The following HDAC3 variants were observed in gnomAD, a reference collection of about 807,000 sequenced individuals.
The protein encoded by HDAC3 is SMAP45.
HDAC3 carries 21 observed loss-of-function variants against 62.3 expected under a neutral mutation model. The observed-to-expected ratio is 0.34, with a 90% CI of 0.24 to 0.49. HDAC3 has a LOEUF of 0.49. Ranked by LOEUF, HDAC3 falls within the 20% of genes least tolerant of loss-of-function variation. HDAC3 has a pLI of 0.99. For missense variants in HDAC3, 270 were observed against 556.9 expected (o/e 0.48, Z 5.19); for synonymous variants, 198 against 206.5 (o/e 0.96, Z 0.35).
rs960090236 is a variant in HDAC3 at position 141,625,497 on chromosome 5, G to GAT, written c.1060-134_1060-133dup. The GAT allele has an allele frequency of 1.3e-4, 152 of 1,156,588 alleles. 1 individual carries two copies. In the African/African-American group the frequency reaches 1.5e-3, roughly 11 times the overall value. The allele number at this position is 1,156,588 out of a possible 1,614,324, so 71.6% of individuals were successfully genotyped here. ...TACCTCTAGTTCAGGTCCCCCAACT[G>GAT]ATAGCTCTCCCTCCCCACCAACCCC... On this transcript the variant is annotated intron_variant, in intron 13 of 14. Coordinates refer to ENST00000305264, the MANE Select transcript of HDAC3 (RefSeq NM_003883.4). This position sits in a 1 kb window ranked among gnomAD's most constrained non-coding sequence, Gnocchi z 4.0.
chr5:141,630,650 T>C (rs913585343), intron 3 of HDAC3, among the ~76,000 whole-genome samples: 6 of 152,194 alleles, frequency 3.9e-5, no homozygotes, highest in African/African-American at 9.7e-5. Flanking sequence ...TGTTATTCTT[T>C]ATAAAAAGTA....
At chr5:141,624,070 A>G (rs1452433060) in intron 14 of HDAC3, among the ~76,000 whole-genome samples, 1 of 150,664 alleles carries the variant, frequency 6.6e-6, no homozygotes, top group Admixed American at 6.6e-5. Flanking sequence ...AAACATAACC[A>G]CAATGCAATT....
intron 14 of HDAC3, among the ~76,000 whole-genome samples, chr5:141,622,441 T>C (rs2099903833): frequency 1.3e-5 from 2 of 152,114 alleles, no homozygotes; most frequent in South Asian, 4.1e-4. Context: ...CCGTCTCTAC[T>C]AAAAATACTA....
intron 14 of HDAC3, among the ~76,000 whole-genome samples, chr5:141,624,254 G>T (rs1238477754): frequency 6.6e-6 from 1 of 150,664 alleles, no homozygotes; most frequent in African/African-American, 2.4e-5. Flanking sequence ...AAAAATTTTA[G>T]GCCAGGCTCA....
At chr5:141,622,571 C>T (rs2099903858) in intron 14 of HDAC3, among the ~76,000 whole-genome samples, 1 of 151,348 alleles carries the variant, frequency 6.6e-6, no homozygotes, top group Non-Finnish European at 1.5e-5. Context: ...CCACTGCACT[C>T]CAGCCTGGCA....
rs1177904191 is a variant in HDAC3 at position 141,628,490 on chromosome 5, G to A, written c.691+69C>T. ...ACTGGCCCAACAGCAGACAATACCA[G>A]GCAGAAGAGGTTATTTCAAGGAGAA... On this transcript the variant is annotated intron_variant, in intron 8 of 14. Transcript: ENST00000305264. The surrounding 1 kb of genome is among the most constrained non-coding windows in gnomAD (Gnocchi z 4.7). 2.4e-6 allele frequency: 3 copies of A among 1,271,920 alleles called. No homozygotes were observed. The highest frequency in any genetic ancestry group is 3.5e-6 in the Non-Finnish European group (3 of 869,212). The allele number at this position is 1,271,920 out of a possible 1,614,324, so 78.8% of individuals were successfully genotyped here.
chr5:141,623,175 C>T (rs2099903947), intron 14 of HDAC3, among the ~76,000 whole-genome samples: 1 of 152,148 alleles, frequency 6.6e-6, no homozygotes, highest in South Asian at 2.1e-4. Context: ...TTAGATTCCT[C>T]CCGTGTTAAT....
chr5:141,633,887 G>A (rs1049541725), intron 3 of HDAC3, among the ~76,000 whole-genome samples: 8 of 151,548 alleles, frequency 5.3e-5, no homozygotes, highest in African/African-American at 1.7e-4. Flanking sequence ...GCTAGGTGAT[G>A]GACGTATGGG....
Position 141,628,047 on chromosome 5 carries a change from C to T in HDAC3, c.765+67G>A, listed in dbSNP as rs891755572. ...CTTCCACCACCAACCTAAAGAACCT[C>T]CTCTTCCCTTGCTCTCTTTCCCCAA... On this transcript the variant is annotated intron_variant, in intron 9 of 14. Coordinates refer to ENST00000305264, the MANE Select transcript of HDAC3 (RefSeq NM_003883.4). This position sits in a 1 kb window ranked among gnomAD's most constrained non-coding sequence, Gnocchi z 4.7. The T allele has an allele frequency of 6.3e-7, 1 of 1,599,062 alleles. No individual in the cohort carries two copies. Among genetic ancestry groups the T allele is most frequent in the African/African-American group, 1.3e-5 (1 of 74,642 alleles).
Position 141,625,876 on chromosome 5 carries a change from T to C in HDAC3, c.980-112A>G, listed in dbSNP as rs2099904367. The C allele has an allele frequency of 1.5e-6, 2 of 1,301,092 alleles. No homozygotes were observed. The highest frequency in any genetic ancestry group is 2.2e-6 in the Non-Finnish European group (2 of 896,284). 80.6% of individuals were successfully genotyped at this position (1,301,092 alleles called of 1,614,324 possible). On this transcript the variant is annotated intron_variant, in intron 12 of 14. Coordinates refer to ENST00000305264, the MANE Select transcript of HDAC3 (RefSeq NM_003883.4). This position sits in a 1 kb window ranked among gnomAD's most constrained non-coding sequence, Gnocchi z 4.0. ...CCTACATAATAGCTGCCCAATCTCT[T>C]CCCTGCTCTGAGCCCAGGGGTTTAG...
intron 3 of HDAC3, among the ~76,000 whole-genome samples, chr5:141,630,950 T>C (rs1171721105): frequency 6.6e-6 from 1 of 151,432 alleles, no homozygotes; most frequent in Non-Finnish European, 1.5e-5. Flanking sequence ...GCCTCCCAAA[T>C]TGTTGGGACT....
chr5:141,634,372 T>C lies in HDAC3; in HGVS notation c.281+439A>G, dbSNP rs181455648. Among the ~76,000 whole-genome samples, 12 of 152,296 alleles carry C rather than the reference T, an allele frequency of 7.9e-5. No individual in the cohort carries two copies. In the East Asian group the frequency reaches 2.1e-3, roughly 27 times the overall value. On this transcript the variant is annotated intron_variant, in intron 3 of 14. Transcript: ENST00000305264. ...TCATACTCAGTCCTACCACAGACCC[T>C]TAGCACTTGTCCCTACTGCCTGCTA...
chr5:141,628,974 T>C lies in HDAC3; in HGVS notation c.610+199A>G, dbSNP rs1445870144. Among the ~76,000 whole-genome samples, 1 of 151,826 alleles carries C rather than the reference T, an allele frequency of 6.6e-6. No individual in the cohort carries two copies. The highest frequency in any genetic ancestry group is 1.5e-5 in the Non-Finnish European group (1 of 67,936). ...AACAAAAAACCACAATAAACACAAA[T>C]AGCAGTGAGTGTTCTGAGGGAAACA... On this transcript the variant is annotated intron_variant, in intron 7 of 14. Coordinates refer to ENST00000305264, the MANE Select transcript of HDAC3 (RefSeq NM_003883.4). The surrounding 1 kb of genome is among the most constrained non-coding windows in gnomAD (Gnocchi z 4.7).
Position 141,629,464 on chromosome 5 carries a change from A to G in HDAC3, c.477-158T>C. ...TAAAGGCAACTGGGGGCTCCAGCCT[A>G]GAGGCTAGAGGCAGGGACAGGAGAG... On this transcript the variant is annotated intron_variant, in intron 6 of 14. Transcript: ENST00000305264. This position sits in a 1 kb window ranked among gnomAD's most constrained non-coding sequence, Gnocchi z 5.3. 1 of 1,025,114 alleles carries G rather than the reference A, an allele frequency of 9.8e-7. No homozygotes were observed. Among genetic ancestry groups the G allele is most frequent in the Non-Finnish European group, 1.4e-6 (1 of 692,996 alleles). The allele number at this position is 1,025,114 out of a possible 1,614,324, so 63.5% of individuals were successfully genotyped here. A position where few individuals can be genotyped will look rare whatever the true frequency, so the allele number is the denominator to read the frequency against.
intron 14 of HDAC3, chr5:141,624,869 A>G (rs1381991313): frequency 4.4e-5 from 9 of 205,580 alleles, no homozygotes; most frequent in Non-Finnish European, 7.7e-5. Flanking sequence ...AAATGAGTGT[A>G]TATGTGTTTG....
In HDAC3 at chr5:141,628,258, G is replaced by A. The variant is rs983120118; in HGVS notation, c.692-71C>T. On this transcript the variant is annotated intron_variant, in intron 8 of 14. Coordinates refer to ENST00000305264, the MANE Select transcript of HDAC3 (RefSeq NM_003883.4). This position sits in a 1 kb window ranked among gnomAD's most constrained non-coding sequence, Gnocchi z 4.7. ...GGAGACAGGGAACAAAAGGAAAAAG[G>A]GGGTTGAGCGAGCATGTAGCCCAGG... The A allele has an allele frequency of 1.5e-6, 2 of 1,333,978 alleles. No homozygotes were observed. The highest frequency in any genetic ancestry group is 2.9e-5 in the African/African-American group (2 of 69,104). The allele number at this position is 1,333,978 out of a possible 1,614,324, so 82.6% of individuals were successfully genotyped here.
rs2099903629 is a variant in HDAC3 at position 141,621,019 on chromosome 5, G to C, written c.*449C>G. The C allele has an allele frequency of 5.2e-6, 1 of 192,652 alleles. No homozygotes were observed. The highest frequency in any genetic ancestry group is 2.4e-5 in the African/African-American group (1 of 41,620). The allele number at this position is 192,652 out of a possible 1,614,324, so 11.9% of individuals were successfully genotyped here. A position where few individuals can be genotyped will look rare whatever the true frequency, so the allele number is the denominator to read the frequency against. ...CATCATCTGGGATTCAGGTGTTAGG[G>C]AGCCAGAGCCCCTTCCAAATCTCTC... On this transcript the variant is annotated 3_prime_UTR_variant, in exon 15 of 15. Transcript: ENST00000305264.
In HDAC3 at chr5:141,625,499, T is replaced by C. The variant is rs546526275; in HGVS notation, c.1060-134A>G. The C allele has an allele frequency of 3.6e-4, 410 of 1,138,076 alleles. No individual in the cohort carries two copies. Among genetic ancestry groups the C allele is most frequent in the Non-Finnish European group, 4.8e-4 (367 of 768,232 alleles). 70.5% of individuals were successfully genotyped at this position (1,138,076 alleles called of 1,614,324 possible). On this transcript the variant is annotated intron_variant, in intron 13 of 14. Transcript: ENST00000305264. The surrounding 1 kb of genome is among the most constrained non-coding windows in gnomAD (Gnocchi z 4.0). Reference sequence around the variant, plus strand: ...CCTCTAGTTCAGGTCCCCCAACTGATAGCTCTCCCTCCCCACCAACCCCAA... The same window carrying C: ...CCTCTAGTTCAGGTCCCCCAACTGACAGCTCTCCCTCCCCACCAACCCCAA...
chr5:141,634,122 T>C (rs2099905631), intron 3 of HDAC3, among the ~76,000 whole-genome samples: 2 of 152,160 alleles, frequency 1.3e-5, no homozygotes, highest in South Asian at 2.1e-4. Context: ...CCTAATGATA[T>C]CAAACCACTC....
Sources: gnomAD v4.1 joint callset for allele counts (sites outside exome capture counted in the v4.1 genomes callset) on GRCh38, gnomAD v4.1.1 for gene constraint, Gnocchi (gnomAD v3.1) non-coding constraint, MANE v1.5 for transcripts, NCBI Gene and HGNC (gene_info 2026-07-23, HGNC 2026-07-21) for gene names.